ADGRL3: variants seen among roughly 807,000 people sequenced by gnomAD.
ADGRL3 encodes calcium-independent alpha-latrotoxin receptor 3.
In ADGRL3, 62 loss-of-function variants were observed where a neutral mutation model predicts 153.5. That is an observed-to-expected ratio of 0.40 (90% CI 0.33 to 0.50). The LOEUF (loss-of-function observed/expected upper bound fraction) is 0.50. Ranked by LOEUF, ADGRL3 falls within the 20% of genes least tolerant of loss-of-function variation. ADGRL3 has a pLI of 0.47. For synonymous variants in ADGRL3, 710 were observed against 672.5 expected (o/e 1.06, Z -0.86); for missense variants, 1,641 against 1,859.4 (o/e 0.88, Z 2.16).
rs1165309761 is a variant in ADGRL3, at chr4:61,567,261, T to G, written c.260-19966T>G. Among the ~76,000 whole-genome samples, 17 of 152,266 alleles carry G rather than the reference T, an allele frequency of 1.1e-4. 1 individual carries two copies. The East Asian group carries it at 2.3e-3, about 21-fold the overall frequency. On this transcript the variant is annotated intron_variant, in intron 4 of 26. Coordinates refer to ENST00000683033, the MANE Select transcript of ADGRL3 (RefSeq NM_001387552.1). ...TGCAGGCTTAACTGCTGCACTAACT[T>G]CTAAATCAGATCAATCAAGATCATT...
At chr4:61,675,170 C>A (rs145500124) in intron 5 of ADGRL3, among the ~76,000 whole-genome samples, 1 of 151,862 alleles carries the variant, frequency 6.6e-6, no homozygotes, top group Admixed American at 6.6e-5. Flanking sequence ...GTAAACCCAA[C>A]GTATTTTTAC....
intron 2 of ADGRL3, among the ~76,000 whole-genome samples, chr4:61,478,035 T>C (rs2098086265): frequency 6.6e-6 from 1 of 152,066 alleles, no homozygotes; most frequent in Non-Finnish European, 1.5e-5. Context: ...AACTTCTCCA[T>C]AAAAATGTCT....
intron 13 of ADGRL3, among the ~76,000 whole-genome samples, chr4:61,920,756 G>A (rs2098765049): frequency 6.6e-6 from 1 of 152,168 alleles, no homozygotes; most frequent in African/African-American, 2.4e-5. Flanking sequence ...AAAGGAAGAA[G>A]GAAAAGGATA....
rs189133086 is a variant in ADGRL3, at chr4:61,980,513, C to T, written c.3015+741C>T. Among the ~76,000 whole-genome samples the T allele has an allele frequency of 4.8e-3, 722 of 151,878 alleles. 9 individuals are homozygous for T. Among genetic ancestry groups the T allele is most frequent in the Middle Eastern group, 0.037 (11 of 294 alleles). Reference sequence around the variant, plus strand: ...GGAGTGCAATGGCATGATCCTGGCCCACTGCAATCTCCACCTCCCAAGCTC... The same window carrying T: ...GGAGTGCAATGGCATGATCCTGGCCTACTGCAATCTCCACCTCCCAAGCTC... On this transcript the variant is annotated intron_variant, in intron 18 of 26. Coordinates refer to ENST00000683033, the MANE Select transcript of ADGRL3 (RefSeq NM_001387552.1).
chr4:61,564,721 T>A (rs1329261264), intron 4 of ADGRL3, among the ~76,000 whole-genome samples: 1 of 152,218 alleles, frequency 6.6e-6, no homozygotes, highest in African/African-American at 2.4e-5. Flanking sequence ...AACCTAATCA[T>A]TCCTAGCTTT....
chr4:61,364,936 A>G (rs1199885758), intron 1 of ADGRL3, among the ~76,000 whole-genome samples: 1 of 152,218 alleles, frequency 6.6e-6, no homozygotes, highest in African/African-American at 2.4e-5. Flanking sequence ...TTCAGTGCTC[A>G]TATTCTTAAA....
At chr4:61,852,562 G>T (rs1349439552) in intron 9 of ADGRL3, among the ~76,000 whole-genome samples, 1 of 152,044 alleles carries the variant, frequency 6.6e-6, no homozygotes, top group Non-Finnish European at 1.5e-5. Context: ...CGATCCGCCC[G>T]CCTCGGCCTC....
intron 5 of ADGRL3, among the ~76,000 whole-genome samples, chr4:61,626,424 A>AT (rs34404633): frequency 0.95 from 144,412 of 151,814 alleles, 68,819 homozygotes; most frequent in Middle Eastern, 0.99. Context: ...CTTTAAAGGT[A>AT]TTTTTTTCTC....
chr4:61,571,767 G>C (rs938707172), intron 4 of ADGRL3, among the ~76,000 whole-genome samples: 1 of 152,164 alleles, frequency 6.6e-6, no homozygotes, highest in African/African-American at 2.4e-5. Context: ...CACTGTGCTT[G>C]ATAATTGATT....
At chr4:61,754,768 C>A (rs1472114110) in intron 8 of ADGRL3, among the ~76,000 whole-genome samples, 6 of 152,144 alleles carry the variant, frequency 3.9e-5, no homozygotes, top group Non-Finnish European at 5.9e-5. Flanking sequence ...ATCCTTCCCC[C>A]CTCCCCCCAC....
At chr4:61,828,548 T>G (rs2097837028) in intron 9 of ADGRL3, among the ~76,000 whole-genome samples, 1 of 152,150 alleles carries the variant, frequency 6.6e-6, no homozygotes, top group Non-Finnish European at 1.5e-5. Flanking sequence ...TCTTCAGAGT[T>G]TAAAAATCAT....
intron 21 of ADGRL3, among the ~76,000 whole-genome samples, chr4:62,022,693 G>A (rs1353791531): frequency 6.6e-6 from 1 of 151,694 alleles, no homozygotes; most frequent in Non-Finnish European, 1.5e-5. Context: ...TACCCTGCCT[G>A]TGCTCTATAA....
At chr4:61,370,272 C>T (rs2151691659) in intron 1 of ADGRL3, among the ~76,000 whole-genome samples, 1 of 119,614 alleles carries the variant, frequency 8.4e-6, no homozygotes, top group South Asian at 2.7e-4. Flanking sequence ...CTTCTGCTAG[C>T]TTTTGAATGT....
chr4:61,459,084 A>G (rs7667335), intron 2 of ADGRL3, among the ~76,000 whole-genome samples: 2,891 of 151,628 alleles, frequency 0.019, 92 homozygotes, highest in African/African-American at 0.061. Flanking sequence ...ATTAAATAAT[A>G]TAGAGAGAAT....
chr4:61,881,032 C>T (rs2098505336), intron 9 of ADGRL3, among the ~76,000 whole-genome samples: 1 of 151,996 alleles, frequency 6.6e-6, no homozygotes, highest in Non-Finnish European at 1.5e-5. Context: ...AGTTGGATCC[C>T]CTGTTTGTTT....
chr4:61,354,648 A>G (rs767588395), intron 1 of ADGRL3, among the ~76,000 whole-genome samples: 12 of 151,980 alleles, frequency 7.9e-5, no homozygotes, highest in Non-Finnish European at 1.5e-4. Flanking sequence ...CTATTGTAAG[A>G]TACATAAAAT....
At chr4:62,068,304 A>G (rs2151916571) in intron 26 of ADGRL3, 121 bp downstream of exon 26, 1 of 847,118 alleles carries the variant, frequency 1.2e-6, no homozygotes, top group East Asian at 2.7e-5. Context: ...AAAAACTAAA[A>G]AGCCTATGAA....
At chr4:61,651,127 G>T (rs990313461) in intron 5 of ADGRL3, among the ~76,000 whole-genome samples, 1 of 152,060 alleles carries the variant, frequency 6.6e-6, no homozygotes, top group African/African-American at 2.4e-5. Context: ...CGGAAGAAAA[G>T]TTCTAGCTTA....
Position 62,016,719 on chromosome 4 carries a change from C to A in ADGRL3, c.3396-12136C>A, listed in dbSNP as rs1323741299. On this transcript the variant is annotated intron_variant, in intron 21 of 26. Coordinates refer to ENST00000683033, the MANE Select transcript of ADGRL3 (RefSeq NM_001387552.1). Reference sequence around the variant, plus strand: ...AATTTCAGAATCAGTTGTTAAAATTCTTTCAATATGTTTGTCTTTTTTAAT... The same window carrying A: ...AATTTCAGAATCAGTTGTTAAAATTATTTCAATATGTTTGTCTTTTTTAAT... Among the ~76,000 whole-genome samples the A allele has an allele frequency of 2.0e-5, 3 of 151,938 alleles. No homozygotes were observed. In the South Asian group the frequency reaches 6.2e-4, roughly 31 times the overall value.
Sources: gnomAD v4.1 joint callset for allele counts (sites outside exome capture counted in the v4.1 genomes callset) on GRCh38, gnomAD v4.1.1 for gene constraint, MANE v1.5 for transcripts, NCBI Gene and HGNC (gene_info 2026-07-23, HGNC 2026-07-21) for gene names.